GPHN: variants seen among roughly 807,000 people sequenced by gnomAD.
The protein encoded by GPHN is gephyrin.
Under a neutral mutation model 95.5 loss-of-function variants are expected in GPHN, and 17 were observed. That is an observed-to-expected ratio of 0.18 (90% confidence interval 0.12 to 0.27). GPHN has a LOEUF of 0.27. Ranked by LOEUF, GPHN falls within the 10% of genes least tolerant of loss-of-function variation. The probability of loss-of-function intolerance (pLI) is 1.00; values close to 1 mark genes in which losing one functional copy is unlikely to be tolerated. For missense variants in GPHN, 660 were observed against 978.1 expected (o/e 0.67, Z 4.34); for synonymous variants, 320 against 322.5 (o/e 0.99, Z 0.08).
chr14:67,609,068 C>T, the GPHN span, among the ~76,000 whole-genome samples: 1 of 152,154 alleles, frequency 6.6e-6, no homozygotes, highest in East Asian at 1.9e-4. Context: ...GTCCGAGCTT[C>T]TGGAACTTCC....
At chr14:67,002,029 A>G (rs1228213955) in intron 9 of GPHN, among the ~76,000 whole-genome samples, 1 of 151,602 alleles carries the variant, frequency 6.6e-6, no homozygotes, top group Non-Finnish European at 1.5e-5. Flanking sequence ...CTTTCAAAGC[A>G]TTTCCTTCCC....
chr14:67,330,696 G>A, the GPHN span, among the ~76,000 whole-genome samples: 1 of 152,072 alleles, frequency 6.6e-6, no homozygotes, highest in Non-Finnish European at 1.5e-5. Context: ...GACCTCAGGT[G>A]ATCCACCTGC....
chr14:67,378,646 C>T, the GPHN span, among the ~76,000 whole-genome samples: 43 of 152,314 alleles, frequency 2.8e-4, no homozygotes, highest in Non-Finnish European at 3.7e-4. Context: ...CATCTGGCTT[C>T]TTTAGTTACC....
intron 8 of GPHN, among the ~76,000 whole-genome samples, chr14:66,926,125 T>C (rs1234300357): frequency 1.3e-5 from 2 of 152,196 alleles, no homozygotes; most frequent in Non-Finnish European, 2.9e-5. Flanking sequence ...ATAGAGTTGT[T>C]TATATAGTCT....
At chr14:66,898,017 C>T (rs1390671889) in intron 5 of GPHN, among the ~76,000 whole-genome samples, 1 of 152,022 alleles carries the variant, frequency 6.6e-6, no homozygotes, top group Non-Finnish European at 1.5e-5. Flanking sequence ...TTTTGAGCAT[C>T]TGTTCAGGTG....
At chr14:67,575,585 A>G in the GPHN span, 1 of 786,556 alleles carries the variant, frequency 1.3e-6, no homozygotes, top group Non-Finnish European at 2.2e-6. Flanking sequence ...AATAAATACA[A>G]AATCAGTTGG....
chr14:67,264,706 C>G, the GPHN span, among the ~76,000 whole-genome samples: 6 of 152,020 alleles, frequency 3.9e-5, no homozygotes, highest in Non-Finnish European at 8.8e-5. Context: ...GCTCTTTTGT[C>G]CACATTACCT....
chr14:67,014,861 A>G (rs948619968), intron 9 of GPHN, among the ~76,000 whole-genome samples: 1 of 152,244 alleles, frequency 6.6e-6, no homozygotes, highest in African/African-American at 2.4e-5. Context: ...CATTTTCAGA[A>G]CAAGCACCAA....
At chr14:67,604,190 A>T in the GPHN span, among the ~76,000 whole-genome samples, 1 of 152,208 alleles carries the variant, frequency 6.6e-6, no homozygotes, top group Non-Finnish European at 1.5e-5. Context: ...TGTCTGTTCC[A>T]TCTTTCAGAA....
At chr14:67,358,214 G>A in the GPHN span, among the ~76,000 whole-genome samples, 1 of 152,142 alleles carries the variant, frequency 6.6e-6, no homozygotes, top group Non-Finnish European at 1.5e-5. Flanking sequence ...CACGTCCTAG[G>A]AGTTCTGCAG....
rs563303764 is a variant in GPHN, at chr14:67,090,971, T to TA, written c.1237+1907dup. ...CTTAGTAAACTACCTGGCACACATT[T>TA]AAAAAAAAAAACACTTGATAATTGT... On this transcript the variant is annotated intron_variant, in intron 12 of 22. Transcript: ENST00000478722. Among the ~76,000 whole-genome samples, 793 of 145,746 alleles carry TA rather than the reference T, an allele frequency of 5.4e-3. 10 individuals are homozygous for TA. Among genetic ancestry groups the TA allele is most frequent in the Middle Eastern group, 0.049 (14 of 284 alleles).
the GPHN span, among the ~76,000 whole-genome samples, chr14:67,596,986 C>G: frequency 6.6e-6 from 1 of 152,198 alleles, no homozygotes; most frequent in African/African-American, 2.4e-5. Context: ...CTTTGATGGT[C>G]TCTTTCTACT....
chr14:66,991,489 G>A (rs916794809), intron 9 of GPHN, among the ~76,000 whole-genome samples: 13 of 152,082 alleles, frequency 8.5e-5, no homozygotes, highest in African/African-American at 3.1e-4. Flanking sequence ...GGCAGGGGAC[G>A]GTGGCTCATG....
chr14:66,596,513 T>C (rs1482533593), intron 1 of GPHN, among the ~76,000 whole-genome samples: 1 of 152,174 alleles, frequency 6.6e-6, no homozygotes, highest in Non-Finnish European at 1.5e-5. Context: ...CCATCCTCTT[T>C]GGTACCCAAA....
intron 17 of GPHN, among the ~76,000 whole-genome samples, chr14:67,127,912 A>G (rs982431887): frequency 6.6e-6 from 1 of 152,242 alleles, no homozygotes; most frequent in South Asian, 2.1e-4. Flanking sequence ...CAAAGCCTCA[A>G]AATGGTATGT....
At chr14:67,682,205 T>C in the GPHN span, among the ~76,000 whole-genome samples, 1 of 152,334 alleles carries the variant, frequency 6.6e-6, no homozygotes, top group Middle Eastern at 3.4e-3. Context: ...CTTTGTGACC[T>C]TGGGTAAGGC....
intron 2 of GPHN, among the ~76,000 whole-genome samples, chr14:66,738,503 C>T (rs960370799): frequency 6.6e-6 from 1 of 152,048 alleles, no homozygotes; most frequent in African/African-American, 2.4e-5. Flanking sequence ...AAAACCTTTG[C>T]ATTGTTGATT....
intron 1 of GPHN, among the ~76,000 whole-genome samples, chr14:66,654,301 G>A (rs1238830329): frequency 6.6e-6 from 1 of 151,960 alleles, no homozygotes; most frequent in Non-Finnish European, 1.5e-5. Flanking sequence ...TGAGGTTTCA[G>A]CATCTATGGT....
chr14:67,289,960 G>A, the GPHN span, among the ~76,000 whole-genome samples: 1 of 151,928 alleles, frequency 6.6e-6, no homozygotes, highest in Non-Finnish European at 1.5e-5. Context: ...TTTTAGTAGA[G>A]ACGGGGTTTC....
Sources: allele counts gnomAD v4.1 joint callset (sites outside exome capture counted in the v4.1 genomes callset), GRCh38; gene constraint gnomAD v4.1.1; transcripts MANE v1.5; gene names NCBI Gene and HGNC (gene_info 2026-07-23, HGNC 2026-07-21).